ALG13: variants seen among roughly 807,000 people sequenced by gnomAD.
The protein encoded by ALG13 is UDP-N-acetylglucosamine transferase subunit ALG13.
Under a neutral mutation model 87.8 loss-of-function variants are expected in ALG13, and 11 were observed. The observed-to-expected ratio is 0.13, with a 90% CI of 0.08 to 0.21. The LOEUF (loss-of-function observed/expected upper bound fraction) is 0.21, where lower values mean the gene tolerates loss of function less well. ALG13 is among the 10% of genes least tolerant of loss of function. ALG13 has a pLI of 1.00. For missense variants in ALG13, 756 were observed against 866.1 expected (o/e 0.87, Z 1.60); for synonymous variants, 320 against 306.3 (o/e 1.04, Z -0.47).
At chrX:111,757,543 G>T in intron 25 of ALG13, 45 bp from the exon 26 acceptor site, 1 of 959,895 alleles carries the variant, frequency 1.0e-6, no homozygotes, top group Non-Finnish European at 1.4e-6. Context: ...TAAGAATAGA[G>T]AAGAGTGAAG....
At chrX:111,686,782 C>T (rs1935051950) in intron 3 of ALG13, among the ~76,000 whole-genome samples, 1 of 112,296 alleles carries the variant, frequency 8.9e-6, no homozygotes, top group Admixed American at 9.5e-5. Flanking sequence ...ACACTGATTT[C>T]ATAAACATAT....
intron 3 of ALG13, among the ~76,000 whole-genome samples, chrX:111,694,443 T>C (rs956706875): frequency 1.7e-4 from 19 of 112,636 alleles, no homozygotes; most frequent in African/African-American, 5.2e-4. Flanking sequence ...AATATTCTTA[T>C]GCTATTAACT....
chrX:111,755,496 A>G (rs1352480642), intron 25 of ALG13, among the ~76,000 whole-genome samples: 3 of 112,460 alleles, frequency 2.7e-5, no homozygotes, highest in East Asian at 5.6e-4. Context: ...TGAACAGGCA[A>G]CCTACAGAAT....
rs761496859 is a variant in ALG13 at position 111,730,441 on chromosome X, A to G, written c.2401+14A>G. The G allele has an allele frequency of 8.3e-7, 1 of 1,204,246 alleles. No individual in the cohort carries two copies. Among genetic ancestry groups the G allele is most frequent in the South Asian group, 1.8e-5 (1 of 56,501 alleles). On this transcript the variant is annotated intron_variant, in intron 20 of 26. Transcript: ENST00000394780. ...TTTATCGTGCAGGTCAGTAAGATCT[A>G]GAAGTGATCTGGCATTCATCATTGT... is the stretch of plus-strand genomic sequence containing the variant.
intron 10 of ALG13, among the ~76,000 whole-genome samples, chrX:111,719,019 T>G (rs1941020337): frequency 9.8e-6 from 1 of 102,016 alleles, no homozygotes; most frequent in Non-Finnish European, 1.9e-5. Flanking sequence ...GCTTACAATT[T>G]TTTTTCTTTT....
intron 23 of ALG13, 22 bp downstream of exon 23, chrX:111,736,901 A>G (rs1385735815): frequency 8.5e-7 from 1 of 1,171,927 alleles, no homozygotes; most frequent in Non-Finnish European, 1.1e-6. Context: ...GCAGATGCTT[A>G]CTTTGGAAGC....
chrX:111,713,147 A>T, intron 7 of ALG13, 78 bp from the exon 8 acceptor site: 1 of 628,878 alleles, frequency 1.6e-6, no homozygotes, highest in Non-Finnish European at 2.6e-6. Flanking sequence ...ACTTAAAAGC[A>T]CAAATAGTTG....
At position 111,738,712 on chromosome X, in the gene ALG13, G is replaced by A. The variant is rs764411938; in HGVS notation, c.2695+1833G>A. Among the ~76,000 whole-genome samples the A allele has an allele frequency of 4.5e-5, 5 of 109,957 alleles. No homozygotes were observed. In the South Asian group the frequency reaches 2.0e-3, roughly 43 times the overall value. ...GCCACCACACTCGGCTAATTACTGTGTTTTTGTAGAGACAGGGTCTTGCCA... is the reference window on the plus strand; with the variant it reads ...GCCACCACACTCGGCTAATTACTGTATTTTTGTAGAGACAGGGTCTTGCCA... On this transcript the variant is annotated intron_variant, in intron 23 of 26. Transcript: ENST00000394780.
chrX:111,694,978 G>T (rs1238586342), intron 3 of ALG13, among the ~76,000 whole-genome samples: 1 of 112,109 alleles, frequency 8.9e-6, no homozygotes, highest in Non-Finnish European at 1.9e-5. Flanking sequence ...TTTGTTTTGA[G>T]AAGTAGGACT....
In ALG13 at chrX:111,695,023, T is replaced by C. The variant is rs1936752975; in HGVS notation, c.383+9920T>C. Among the ~76,000 whole-genome samples the C allele has an allele frequency of 1.8e-5, 2 of 112,481 alleles. 1 individual carries two copies. The highest frequency in any genetic ancestry group is 7.3e-4 in the South Asian group (2 of 2,737). On this transcript the variant is annotated intron_variant, in intron 3 of 26. Transcript: ENST00000394780. The stretch of plus-strand genomic sequence containing the variant: ...TTTTAGAATTCACAGAATATAGTCC[T>C]AAATGATACGGAAAGCAGATTTTTC...
intron 26 of ALG13, among the ~76,000 whole-genome samples, chrX:111,759,515 G>C (rs1017748738): frequency 9.0e-6 from 1 of 111,698 alleles, no homozygotes; most frequent in Non-Finnish European, 1.9e-5. Flanking sequence ...TCTGTACATT[G>C]AATAGATTTG....
chrX:111,749,072 G>T (rs1186568819), intron 24 of ALG13, among the ~76,000 whole-genome samples: 1 of 110,938 alleles, frequency 9.0e-6, no homozygotes, highest in African/African-American at 3.3e-5. Context: ...GTGACAGAGC[G>T]AAACTCTGAC....
intron 3 of ALG13, chrX:111,689,019 A>G (rs932701447): frequency 4.1e-6 from 3 of 735,171 alleles, no homozygotes; most frequent in East Asian, 1.5e-4. Context: ...AAATGTTCCA[A>G]ACATTTTATT....
intron 23 of ALG13, 65 bp downstream of exon 23, chrX:111,736,944 C>T: frequency 1.1e-6 from 1 of 942,592 alleles, no homozygotes; most frequent in Non-Finnish European, 1.4e-6. Context: ...GCACATCCAG[C>T]TGTTCTGGTA....
At chrX:111,754,437 GAGAA>G (rs754310248) in intron 25 of ALG13, among the ~76,000 whole-genome samples, 5 of 111,588 alleles carry the variant, frequency 4.5e-5, no homozygotes, top group African/African-American at 6.5e-5. Context: ...AGTCAGGTAA[GAGAA>G]AGAAAGAAAG....
At position 111,717,868 on chromosome X, in the gene ALG13, G is replaced by A. The variant is rs1175080801; in HGVS notation, c.1028G>A (p.Ser343Asn). The change falls in exon 9 of 27, where the codon AGT (serine) becomes AAT (asparagine). Residue 343 changes from serine to asparagine, a missense_variant. Around this residue, in one of 9 missense-constraint regions of ALG13, gnomAD observed 60 missense variants for 54.5 expected, o/e 1.10. Coordinates refer to ENST00000394780, the MANE Select transcript of ALG13 (RefSeq NM_001099922.3). ...EDKILLCYSSSGHYDSVYSKQ... is the reference protein window; with the variant it reads ...EDKILLCYSSNGHYDSVYSKQ... ...TAGATTCTACTCTGCTACTCAAGTA[G>A]TGGTCACTATGATTCTGTGTACTCA... is the stretch of plus-strand genomic sequence containing the variant. 6 of 1,204,235 alleles carry A rather than the reference G, an allele frequency of 5.0e-6. No homozygotes were observed. The highest frequency in any genetic ancestry group is 6.7e-6 in the Non-Finnish European group (6 of 890,649).
At chrX:111,750,636 T>TA (rs1459536640) in intron 24 of ALG13, among the ~76,000 whole-genome samples, 3 of 106,012 alleles carry the variant, frequency 2.8e-5, no homozygotes, top group African/African-American at 1.1e-4. Flanking sequence ...TATTGTATTG[T>TA]TTGTTTGTTT....
chrX:111,708,210 C>T lies in ALG13; in HGVS notation c.567C>T (p.Cys189=). ...HPTCTLLFPS[C]HAFFPLPLTP... is the part of the protein sequence containing the mutation. ...CCTGCACCCTGCTTTTTCCCTCTTG[C>T]CACGCTTTTTTTCCTCTCCCTCTTA... Residue 189 remains cysteine, a synonymous_variant, in exon 4 of 27, where the codon TGC becomes TGT. Transcript: ENST00000394780. 1.7e-6 allele frequency: 2 copies of T among 1,211,431 alleles called. No homozygotes were observed. The highest frequency in any genetic ancestry group is 2.3e-4 in the Middle Eastern group (1 of 4,351).
chrX:111,728,516 A>G (rs1261345675), intron 19 of ALG13, among the ~76,000 whole-genome samples: 1 of 111,508 alleles, frequency 9.0e-6, no homozygotes, highest in Non-Finnish European at 1.9e-5. Flanking sequence ...AGGCTGCTAC[A>G]TTGTTATAAC....
Sources: gnomAD v4.1 joint callset for allele counts (sites outside exome capture counted in the v4.1 genomes callset) on GRCh38, gnomAD v4.1.1 for gene constraint, gnomAD v4.1.1 regional missense constraint, MANE v1.5 for transcripts, NCBI Gene and HGNC (gene_info 2026-07-23, HGNC 2026-07-21) for gene names.